FAM167A: variants seen among roughly 807,000 people sequenced by gnomAD.
The protein encoded by FAM167A is protein FAM167A.
In FAM167A, 23 loss-of-function variants were observed where a neutral mutation model predicts 14.9. That is an observed-to-expected ratio of 1.55 (90% CI 1.11 to 2.19). The LOEUF is 2.19. FAM167A is among the 30% of genes most tolerant of loss of function. The pLI is 0.00. For synonymous variants in FAM167A, 174 were observed against 117.7 expected (o/e 1.48, Z -3.10); for missense variants, 401 against 281.5 (o/e 1.42, Z -3.04).
At position 11,422,970 on chromosome 8, in the gene FAM167A, G is replaced by C. The variant is rs958630991; in HGVS notation, c.*1403C>G. On this transcript the variant is annotated 3_prime_UTR_variant, in exon 3 of 3. Transcript: ENST00000284486. ...GTTGGCAGTGTGCGGGTTTGGCAAAGCATCACGACCATCTTTGGGGTTCAA... is the reference window on the plus strand; with the variant it reads ...GTTGGCAGTGTGCGGGTTTGGCAAACCATCACGACCATCTTTGGGGTTCAA... 6.6e-6 allele frequency: 1 copy of C among 152,648 alleles called. No individual in the cohort carries two copies. The highest frequency in any genetic ancestry group is 1.5e-5 in the Non-Finnish European group (1 of 68,042). 9.5% of individuals were successfully genotyped at this position (152,648 alleles called of 1,614,324 possible). A position where few individuals can be genotyped will look rare whatever the true frequency, so the allele number is the denominator to read the frequency against.
Position 11,444,376 on chromosome 8 carries a change from A to G in FAM167A, c.36T>C (p.Gly12=). Residue 12 remains glycine (G), a synonymous_variant, in exon 2 of 3, where the codon GGT becomes GGC. Transcript: ENST00000284486. ...CGGCTGCTCCCGCCCCCTCTTCTGC[A>G]CCCACTTCTTCCACGTGGATCTGGG... ...SVPQIHVEEV[G]AEEGAGAAAP... The G allele has an allele frequency of 6.4e-7, 1 of 1,572,098 alleles. No individual in the cohort carries two copies. Among genetic ancestry groups the G allele is most frequent in the Non-Finnish European group, 8.6e-7 (1 of 1,159,184 alleles).
chr8:11,468,157 CAG>C (rs1420193962), upstream of FAM167A, among the ~76,000 whole-genome samples: 3 of 152,232 alleles, frequency 2.0e-5, no homozygotes, highest in Non-Finnish European at 2.9e-5. Context: ...CCTCCACAAA[CAG>C]GGGAAACTCT....
At chr8:11,448,228 A>G (rs543057497) in intron 1 of FAM167A, among the ~76,000 whole-genome samples, 88 of 152,058 alleles carry the variant, frequency 5.8e-4, no homozygotes, top group Admixed American at 4.3e-3. Flanking sequence ...AAGAATTTCA[A>G]GACAGGGACA....
chr8:11,426,922 C>T (rs1351033270), intron 2 of FAM167A, among the ~76,000 whole-genome samples: 1 of 152,156 alleles, frequency 6.6e-6, no homozygotes, highest in Non-Finnish European at 1.5e-5. Flanking sequence ...AGAGGGATGA[C>T]TTTGAGTTTT....
chr8:11,474,879 A>G (rs928448808), intron 1 of FAM167A, among the ~76,000 whole-genome samples: 5 of 151,758 alleles, frequency 3.3e-5, no homozygotes, highest in African/African-American at 1.2e-4. Context: ...AAGAATCACA[A>G]TAACATCAAC....
intron 2 of FAM167A, among the ~76,000 whole-genome samples, chr8:11,427,575 T>G (rs1805267284): frequency 6.6e-6 from 1 of 152,212 alleles, no homozygotes; most frequent in Non-Finnish European, 1.5e-5. Flanking sequence ...GTTCTCACTT[T>G]CTCCCTGTTA....
At chr8:11,443,855 T>C (rs2117083855) in intron 2 of FAM167A, among the ~76,000 whole-genome samples, 176 bp downstream of exon 2, 1 of 150,976 alleles carries the variant, frequency 6.6e-6, no homozygotes. Flanking sequence ...CCCAGCCACA[T>C]ACAAATGACG....
At chr8:11,456,847 G>C (rs946477247) in intron 1 of FAM167A, among the ~76,000 whole-genome samples, 9 of 147,652 alleles carry the variant, frequency 6.1e-5, no homozygotes, top group African/African-American at 1.8e-4. Flanking sequence ...TTAGGGAAGT[G>C]GGCAGGGCTG....
intron 1 of FAM167A, among the ~76,000 whole-genome samples, chr8:11,454,150 G>C (rs113848485): frequency 6.6e-6 from 1 of 152,174 alleles, no homozygotes; most frequent in Admixed American, 6.5e-5. Flanking sequence ...CTTTAGTGCC[G>C]GCCTCACCTT....
At chr8:11,448,273 A>C (rs937906861) in intron 1 of FAM167A, among the ~76,000 whole-genome samples, 2 of 151,876 alleles carry the variant, frequency 1.3e-5, no homozygotes, top group Non-Finnish European at 2.9e-5. Context: ...GCCCTGTGCC[A>C]CTGCCCACAG....
At position 11,447,032 on chromosome 8, in the gene FAM167A, AC is replaced by A. The variant is rs553064751; in HGVS notation, c.-397-2225del. Among the ~76,000 whole-genome samples, 331 of 151,504 alleles carry A rather than the reference AC, an allele frequency of 2.2e-3. 3 individuals carry two copies. The highest frequency in any genetic ancestry group is 7.7e-3 in the African/African-American group (317 of 41,220). On this transcript the variant is annotated intron_variant, in intron 1 of 2. Transcript: ENST00000284486. ...CATGGATGAGGAGCCCTGGTGGCCC[AC>A]CCCCTCCCCCACCAGCAGGCTCCCA... is the stretch of plus-strand genomic sequence containing the variant.
chr8:11,471,019 G>A (rs1040960505), upstream of FAM167A, among the ~76,000 whole-genome samples: 9 of 152,204 alleles, frequency 5.9e-5, no homozygotes, highest in African/African-American at 1.2e-4. Context: ...TGTGCCACCC[G>A]GGGGCTAGAC....
intron 1 of FAM167A, among the ~76,000 whole-genome samples, chr8:11,474,983 C>G (rs1032314314): frequency 6.6e-6 from 1 of 152,164 alleles, no homozygotes; most frequent in South Asian, 2.1e-4. Flanking sequence ...TGCACTCTGC[C>G]CAGCAGCCAA....
intron 1 of FAM167A, among the ~76,000 whole-genome samples, chr8:11,450,370 T>C (rs1388100904): frequency 6.6e-6 from 1 of 152,200 alleles, no homozygotes; most frequent in Non-Finnish European, 1.5e-5. Flanking sequence ...TATTAACACA[T>C]TTAATCCTCA....
chr8:11,471,909 G>A (rs1400773230), upstream of FAM167A, among the ~76,000 whole-genome samples: 1 of 152,186 alleles, frequency 6.6e-6, no homozygotes, highest in East Asian at 1.9e-4. Context: ...GGTGGGAAAA[G>A]TAAGAGGGGG....
chr8:11,426,008 A>G (rs910996776), intron 2 of FAM167A, among the ~76,000 whole-genome samples: 5 of 152,190 alleles, frequency 3.3e-5, no homozygotes, highest in Admixed American at 6.5e-5. Context: ...AAGGTCTGAA[A>G]AGAGATATTT....
chr8:11,429,348 T>C (rs1055045719), intron 2 of FAM167A, among the ~76,000 whole-genome samples: 4 of 152,224 alleles, frequency 2.6e-5, no homozygotes, highest in African/African-American at 9.6e-5. Context: ...GTGGAGTTAG[T>C]CGGGAGGACG....
intron 2 of FAM167A, among the ~76,000 whole-genome samples, chr8:11,440,625 G>C (rs1029249870): frequency 3.3e-5 from 5 of 152,340 alleles, no homozygotes; most frequent in African/African-American, 7.2e-5. Context: ...GGACAGGTTA[G>C]AGTCTGCCTT....
upstream of FAM167A, among the ~76,000 whole-genome samples, chr8:11,469,678 G>A (rs1298061614): frequency 6.6e-6 from 1 of 151,660 alleles, no homozygotes; most frequent in African/African-American, 2.4e-5. Context: ...ACCAGCCTGG[G>A]CAACATGGTG....
Sources: allele counts gnomAD v4.1 joint callset (sites outside exome capture counted in the v4.1 genomes callset), GRCh38; gene constraint gnomAD v4.1.1; transcripts MANE v1.5; gene names NCBI Gene and HGNC (gene_info 2026-07-23, HGNC 2026-07-21).